The following MMEL1 variants were observed in gnomAD, a reference collection of about 807,000 sequenced individuals.
The protein encoded by MMEL1 is membrane metalloendopeptidase like 1, also known as membrane metallo-endopeptidase-like 1.
A neutral mutation model predicts 117.1 loss-of-function variants in MMEL1; 98 were observed. The observed-to-expected ratio is 0.84, with a 90% CI of 0.71 to 0.99. The LOEUF (loss-of-function observed/expected upper bound fraction) is 0.99. Among genes scored for constraint, MMEL1 ranks in the 50% least tolerant of loss-of-function variants. The pLI, the probability that MMEL1 is intolerant of heterozygous loss-of-function variation, is 0.00. For missense variants in MMEL1, 1,014 were observed against 1,049.1 expected, an observed-to-expected ratio of 0.97 and a Z score of 0.46; for synonymous variants, 390 against 415.1, an observed-to-expected ratio of 0.94 and a Z score of 0.74.
chr1:2,604,135 C>CCCCCCCCCAACCGG lies in MMEL1; in HGVS notation c.951+11_951+12insCCGGTTGGGGGGGG. ...CTCGCTGCCCGCTCCCCACCCGCCCCGGCCCCCTTACCTTGGCCAGCTGTG... is the reference window on the plus strand; with the variant it reads ...CTCGCTGCCCGCTCCCCACCCGCCCCCCCCCCCCAACCGGGGCCCCCTTACCTTGGCCAGCTGTG... On this transcript the variant is annotated intron_variant, in intron 10 of 23. Transcript: ENST00000378412. The CCCCCCCCCAACCGG allele has an allele frequency of 6.6e-7, 1 of 1,520,166 alleles. No individual in the cohort carries two copies. The highest frequency in any genetic ancestry group is 9.1e-7 in the Non-Finnish European group (1 of 1,100,358). The allele number at this position is 1,520,166 out of a possible 1,614,324, so 94.2% of individuals were successfully genotyped here. A position where few individuals can be genotyped will look rare whatever the true frequency, so the allele number is the denominator to read the frequency against.
At chr1:2,628,739 C>T (rs2100969045) in intron 2 of MMEL1, among the ~76,000 whole-genome samples, 1 of 152,064 alleles carries the variant, frequency 6.6e-6, no homozygotes, top group African/African-American at 2.4e-5. Flanking sequence ...CCGGGACAGC[C>T]CGAGGTTCCA....
At chr1:2,591,798 C>G in intron 22 of MMEL1, 134 bp downstream of exon 22, 5 of 1,082,230 alleles carry the variant, frequency 4.6e-6, no homozygotes, top group Non-Finnish European at 7.0e-6. Flanking sequence ...CCAGCTCCCG[C>G]CCCCTGCCCC....
chr1:2,593,689 AG>A, intron 19 of MMEL1, 124 bp downstream of exon 19: 1 of 1,333,200 alleles, frequency 7.5e-7, no homozygotes, highest in Non-Finnish European at 9.8e-7. Flanking sequence ...CAGCTCCCTG[AG>A]GACCTGGCCT....
In MMEL1 at chr1:2,598,269, C is replaced by T. The variant is rs760864419; in HGVS notation, c.1210G>A (p.Val404Met). 58 of 1,613,980 alleles carry T rather than the reference C, an allele frequency of 3.6e-5. No homozygotes were observed. Among genetic ancestry groups the T allele is most frequent in the Non-Finnish European group, 4.7e-5 (55 of 1,180,024 alleles). ...CTTAGGCTACCAATGCGGTCCAGCA[C>T]CAGGCGCCAGACCAGGTAGTTCTGT... ...TIQNYLVWRL[V>M]LDRIGSLSQR... The change falls in exon 13 of 24, where the codon GTG (valine) becomes ATG (methionine). Residue 404 changes from valine (V) to methionine (M), a missense_variant. Val to Met is a conservative substitution (Grantham distance 21). Coordinates refer to ENST00000378412, the MANE Select transcript of MMEL1 (RefSeq NM_033467.4).
intron 1 of MMEL1, among the ~76,000 whole-genome samples, chr1:2,631,882 CCT>C (rs1557568305): frequency 6.6e-6 from 1 of 152,224 alleles, no homozygotes; most frequent in African/African-American, 2.4e-5. Flanking sequence ...ATCACCTCCC[CCT>C]GAGGGGTCTG....
chr1:2,595,042 G>A lies in MMEL1; in HGVS notation c.1585-149C>T. ...GCTGTGGGTGCAGGTGAACGGGGCA[G>A]CCCTGGCTGTGGGCATTTACATGAC... On this transcript the variant is annotated intron_variant, in intron 16 of 23. Transcript: ENST00000378412. The surrounding 1 kb of genome is among the most constrained non-coding windows in gnomAD (Gnocchi z 4.8). 2.7e-6 allele frequency: 2 copies of A among 729,008 alleles called. No individual in the cohort carries two copies. Among genetic ancestry groups the A allele is most frequent in the South Asian group, 3.6e-5 (2 of 55,602 alleles). The allele number at this position is 729,008 out of a possible 1,614,324, so 45.2% of individuals were successfully genotyped here.
intron 1 of MMEL1, among the ~76,000 whole-genome samples, chr1:2,630,989 T>G (rs1483658515): frequency 6.6e-6 from 1 of 150,936 alleles, no homozygotes; most frequent in African/African-American, 2.4e-5. Context: ...GTGACTGTGA[T>G]TGTGCACCTG....
At position 2,591,535 on chromosome 1, in the gene MMEL1, G is replaced by A. The variant is rs370110343; in HGVS notation, c.2240+22C>T. ...TGAGGGGGTTGTGGGTGGCAAGGGG[G>A]TTGTGAGCATGGGAGACTTGCCTGT... is the stretch of plus-strand genomic sequence containing the variant. On this transcript the variant is annotated intron_variant, in intron 23 of 23. Coordinates refer to ENST00000378412, the MANE Select transcript of MMEL1 (RefSeq NM_033467.4). 1.5e-5 allele frequency: 24 copies of A among 1,604,790 alleles called. No individual in the cohort carries two copies. In the East Asian group the frequency reaches 5.1e-4, roughly 34 times the overall value.
chr1:2,610,802 C>G (rs982242291), intron 4 of MMEL1, among the ~76,000 whole-genome samples: 1 of 152,158 alleles, frequency 6.6e-6, no homozygotes, highest in African/African-American at 2.4e-5. Flanking sequence ...GGGGACCTCA[C>G]GGAAGGCGTG....
At chr1:2,606,685 C>T (rs571905626) in intron 7 of MMEL1, among the ~76,000 whole-genome samples, 10 of 152,228 alleles carry the variant, frequency 6.6e-5, no homozygotes, top group East Asian at 3.9e-4. Context: ...AGGGCCTGGC[C>T]GGAGCCTGGC....
At chr1:2,598,538 C>T in intron 12 of MMEL1, 116 bp downstream of exon 12, 2 of 1,500,848 alleles carry the variant, frequency 1.3e-6, no homozygotes, top group Non-Finnish European at 1.8e-6. Flanking sequence ...ATGTCCCACA[C>T]CCCTCAGGGC....
intron 2 of MMEL1, among the ~76,000 whole-genome samples, chr1:2,623,866 C>A (rs751597226): frequency 6.6e-6 from 1 of 152,290 alleles, no homozygotes; most frequent in East Asian, 1.9e-4. Flanking sequence ...ACCCCTCTCA[C>A]GCCCAGGAAC....
rs188571509 is a variant in MMEL1 at position 2,594,109 on chromosome 1, C to T, written c.1748-176G>A. The T allele has an allele frequency of 9.0e-4, 835 of 928,854 alleles. 1 individual carries two copies. The highest frequency in any genetic ancestry group is 1.2e-3 in the Non-Finnish European group (762 of 637,034). The allele number at this position is 928,854 out of a possible 1,614,324, so 57.5% of individuals were successfully genotyped here. A position where few individuals can be genotyped will look rare whatever the true frequency, so the allele number is the denominator to read the frequency against. On this transcript the variant is annotated intron_variant, in intron 18 of 23. Transcript: ENST00000378412. ...CGGAGGTTCAGAGGCTGGGCGGGCTCGTGCCTGGCAGACCCAGGACCTCAG... is the reference window on the plus strand; with the variant it reads ...CGGAGGTTCAGAGGCTGGGCGGGCTTGTGCCTGGCAGACCCAGGACCTCAG...
intron 12 of MMEL1, 92 bp downstream of exon 12, chr1:2,598,562 G>T (rs376850759): frequency 1.3e-6 from 2 of 1,570,346 alleles, no homozygotes; most frequent in Non-Finnish European, 1.7e-6. Context: ...TGCTTCATAG[G>T]GTCCCCTCCT....
Position 2,609,391 on chromosome 1 carries a change from G to A in MMEL1, c.483C>T (p.Asp161=), listed in dbSNP as rs1645089180. Residue 161 remains aspartate (D), a synonymous_variant, in exon 6 of 24, where the codon GAC becomes GAT. Transcript: ENST00000378412. ...TCCTGGCCTTCTCCACAGCCGGCCG[G>A]TCCTTGGCAGTCGAATTCTCCAGCA... The part of the protein sequence containing the change: ...KAVLENSTAK[D]RPAVEKARTL... 6.2e-7 allele frequency: 1 copy of A among 1,611,726 alleles called. No individual in the cohort carries two copies. Among genetic ancestry groups the A allele is most frequent in the African/African-American group, 1.3e-5 (1 of 74,898 alleles).
At chr1:2,620,909 A>T (rs1337713513) in intron 2 of MMEL1, among the ~76,000 whole-genome samples, 1 of 152,248 alleles carries the variant, frequency 6.6e-6, no homozygotes, top group African/African-American at 2.4e-5. Context: ...AGTTCAGGCC[A>T]TGATGGGAAG....
intron 2 of MMEL1, among the ~76,000 whole-genome samples, chr1:2,621,691 G>A (rs1645292579): frequency 6.6e-6 from 1 of 152,072 alleles, no homozygotes; most frequent in Admixed American, 6.5e-5. Context: ...AGCCTCCCGA[G>A]TAGCTGGGAT....
intron 21 of MMEL1, 27 bp from the exon 22 acceptor site, chr1:2,592,054 T>C: frequency 6.3e-7 from 1 of 1,590,880 alleles, no homozygotes. Flanking sequence ...GGAGCTGAGC[T>C]CAGGCCTGCC....
intron 11 of MMEL1, among the ~76,000 whole-genome samples, chr1:2,601,538 G>C (rs1210528743): frequency 6.6e-6 from 1 of 151,804 alleles, no homozygotes; most frequent in Non-Finnish European, 1.5e-5. Flanking sequence ...TAACCACGAA[G>C]AAGAGATCTG....
Sources: gnomAD v4.1 joint callset for allele counts (sites outside exome capture counted in the v4.1 genomes callset) on GRCh38, gnomAD v4.1.1 for gene constraint, Gnocchi (gnomAD v3.1) non-coding constraint, MANE v1.5 for transcripts, NCBI Gene and HGNC (gene_info 2026-07-23, HGNC 2026-07-21) for gene names.